FRMD4A: variants seen among roughly 807,000 people sequenced by gnomAD.
The protein encoded by FRMD4A is FERM domain containing 4A, also known as FERM domain-containing protein 4A.
A neutral mutation model predicts 129.1 loss-of-function variants in FRMD4A; 29 were observed. The observed-to-expected ratio is 0.22, with a 90% CI of 0.17 to 0.31. FRMD4A has a LOEUF of 0.31. Among genes scored for constraint, FRMD4A ranks in the 10% least tolerant of loss-of-function variants. FRMD4A has a pLI of 1.00. For synonymous variants in FRMD4A, 634 were observed against 571.6 expected (o/e 1.11, Z -1.56); for missense variants, 1,272 against 1,375.8 (o/e 0.92, Z 1.19).
At chr10:13,799,235 G>T (rs2093197886) in intron 4 of FRMD4A, among the ~76,000 whole-genome samples, 1 of 152,174 alleles carries the variant, frequency 6.6e-6, no homozygotes, top group Admixed American at 6.5e-5. Context: ...TAGTCTCATT[G>T]CAACCTCCGC....
At chr10:14,041,148 T>C (rs1483460129) in intron 2 of FRMD4A, among the ~76,000 whole-genome samples, 1 of 152,202 alleles carries the variant, frequency 6.6e-6, no homozygotes. Flanking sequence ...CGTTTCTTCT[T>C]CTTTGTTTTG....
chr10:14,118,607 C>G lies in FRMD4A; in HGVS notation c.45+211451G>C, dbSNP rs547438568. Among the ~76,000 whole-genome samples the G allele has an allele frequency of 7.9e-5, 12 of 152,270 alleles. No homozygotes were observed. In the East Asian group the frequency reaches 2.3e-3, roughly 29 times the overall value. ...AAAGAGGTTTAATGGACTCACAGTTCCACATGGCTATGGAGGCCTCACAAT... is the reference window on the plus strand; with the variant it reads ...AAAGAGGTTTAATGGACTCACAGTTGCACATGGCTATGGAGGCCTCACAAT... On this transcript the variant is annotated intron_variant, in intron 2 of 24. Transcript: ENST00000357447.
At chr10:14,249,957 T>G (rs1209337618) in intron 2 of FRMD4A, among the ~76,000 whole-genome samples, 1 of 152,172 alleles carries the variant, frequency 6.6e-6, no homozygotes, top group Non-Finnish European at 1.5e-5. Context: ...TATTTTCTTG[T>G]TTTTACTTTA....
intron 2 of FRMD4A, among the ~76,000 whole-genome samples, chr10:14,238,474 TC>T (rs1299771116): frequency 8.5e-5 from 13 of 152,220 alleles, no homozygotes; most frequent in South Asian, 8.3e-4. Flanking sequence ...CTTTTTCCGT[TC>T]CCCCTTCCTT....
chr10:13,701,559 C>T, intron 13 of FRMD4A, 81 bp from the exon 14 acceptor site: 1 of 1,324,454 alleles, frequency 7.6e-7, no homozygotes. Flanking sequence ...CTGTAGAGAA[C>T]CCACTGCGTC....
intron 2 of FRMD4A, among the ~76,000 whole-genome samples, chr10:14,095,919 A>T (rs982603523): frequency 6.6e-6 from 1 of 152,214 alleles, no homozygotes; most frequent in Non-Finnish European, 1.5e-5. Flanking sequence ...ATGAACAGGA[A>T]GACATAAGGA....
At chr10:14,153,675 C>T (rs764920147) in intron 2 of FRMD4A, among the ~76,000 whole-genome samples, 1 of 152,156 alleles carries the variant, frequency 6.6e-6, no homozygotes, top group Non-Finnish European at 1.5e-5. Context: ...TGTCTCCATG[C>T]GCCTGCTCCC....
intron 23 of FRMD4A, chr10:13,652,383 A>ACAAT (rs1423220161): frequency 4.9e-6 from 1 of 205,294 alleles, no homozygotes; most frequent in Non-Finnish European, 9.8e-6. Context: ...GCCAAATAAT[A>ACAAT]CAATCAATCA....
rs34873417 is a variant in FRMD4A at position 14,161,489 on chromosome 10, T to TA, written c.45+168568dup. On this transcript the variant is annotated intron_variant, in intron 2 of 24. Transcript: ENST00000357447. ...TACACAATGAAATACTGTTTGGCCA[T>TA]AAAAAAGAATGAAATCCTGCCATTT... is the stretch of plus-strand genomic sequence containing the variant. 5.9e-3 allele frequency among the ~76,000 whole-genome samples: 892 copies of TA among 152,174 alleles called. 28 individuals carry two copies. The highest frequency in any genetic ancestry group is 0.056 in the Admixed American group (849 of 15,284).
intron 2 of FRMD4A, among the ~76,000 whole-genome samples, chr10:13,999,603 C>T (rs1426050466): frequency 1.3e-5 from 2 of 152,218 alleles, no homozygotes; most frequent in African/African-American, 2.4e-5. Flanking sequence ...GCCAGTCAGG[C>T]TTGGAAGCCT....
At chr10:13,762,144 G>A (rs2092099445) in intron 7 of FRMD4A, among the ~76,000 whole-genome samples, 1 of 152,138 alleles carries the variant, frequency 6.6e-6, no homozygotes, top group South Asian at 2.1e-4. Context: ...ACTTATTGAA[G>A]GAATAAAGAA....
chr10:14,305,786 C>T (rs1846330306), intron 2 of FRMD4A, among the ~76,000 whole-genome samples: 1 of 152,114 alleles, frequency 6.6e-6, no homozygotes, highest in Non-Finnish European at 1.5e-5. Flanking sequence ...CCAGGGAATA[C>T]TATGCTGCCA....
intron 6 of FRMD4A, among the ~76,000 whole-genome samples, chr10:13,780,420 G>C (rs2092705476): frequency 1.3e-5 from 2 of 152,166 alleles, no homozygotes; most frequent in Admixed American, 1.3e-4. Context: ...TGCTGTAAAG[G>C]GGTGTAGGCA....
At position 13,756,399 on chromosome 10, in the gene FRMD4A, A is replaced by G. The variant is rs562943163; in HGVS notation, c.464+5248T>C. On this transcript the variant is annotated intron_variant, in intron 8 of 24. Transcript: ENST00000357447. ...GAGACAGGGTCTCGCTCTATTACTCAGGCTGGAGTGCAGTGGTGCAATCTC... is the reference window on the plus strand; with the variant it reads ...GAGACAGGGTCTCGCTCTATTACTCGGGCTGGAGTGCAGTGGTGCAATCTC... 6.6e-5 allele frequency among the ~76,000 whole-genome samples: 10 copies of G among 152,358 alleles called. No individual in the cohort carries two copies. In the South Asian group the frequency reaches 1.9e-3, roughly 28 times the overall value.
intron 3 of FRMD4A, among the ~76,000 whole-genome samples, chr10:13,843,842 G>A (rs2094005671): frequency 6.6e-6 from 1 of 152,134 alleles, no homozygotes; most frequent in African/African-American, 2.4e-5. Context: ...GGTGGTGCCT[G>A]GGCTGCTGGG....
At chr10:14,159,240 G>A (rs1386639472) in intron 2 of FRMD4A, among the ~76,000 whole-genome samples, 2 of 152,214 alleles carry the variant, frequency 1.3e-5, no homozygotes, top group South Asian at 2.1e-4. Context: ...GCTCAAGGCT[G>A]TGCAATACAA....
intron 2 of FRMD4A, among the ~76,000 whole-genome samples, chr10:14,245,813 TGTTGTTTA>T (rs1844214064): frequency 6.6e-6 from 1 of 152,184 alleles, no homozygotes; most frequent in Non-Finnish European, 1.5e-5. Context: ...AATAAGTTTT[TGTTGTTTA>T]ACCCTCCCAG....
At chr10:13,689,207 G>GGGGTGGGGGGGGGGT (rs2085417890) in intron 15 of FRMD4A, among the ~76,000 whole-genome samples, 1 of 9,402 alleles carries the variant, frequency 1.1e-4, no homozygotes, top group African/African-American at 3.4e-4. Context: ...GCGGGGGGGG[G>GGGGTGGGGGGGGGGT]GGGGGGGGGG....
At chr10:14,064,331 C>T (rs1415664325) in intron 2 of FRMD4A, among the ~76,000 whole-genome samples, 3 of 152,226 alleles carry the variant, frequency 2.0e-5, no homozygotes, top group African/African-American at 7.2e-5. Flanking sequence ...TTTTAAATTA[C>T]ATGTCGTTAA....
Sources: gnomAD v4.1 joint callset for allele counts (sites outside exome capture counted in the v4.1 genomes callset) on GRCh38, gnomAD v4.1.1 for gene constraint, MANE v1.5 for transcripts, NCBI Gene and HGNC (gene_info 2026-07-23, HGNC 2026-07-21) for gene names.